Variants in KLK13 observed in about 807,000 individuals in gnomAD.
The protein encoded by KLK13 is kallikrein related peptidase 13.
Under a neutral mutation model 22.4 loss-of-function variants are expected in KLK13, and 19 were observed. The ratio of observed to expected loss-of-function variants is 0.85; its 90% CI spans 0.59 to 1.24. The LOEUF is 1.24. Ranked by LOEUF, KLK13 falls within the 50% of genes most tolerant of loss-of-function variation. The pLI is 0.00. For missense variants in KLK13, 311 were observed against 347.9 expected (o/e 0.89, Z 0.84); for synonymous variants, 156 against 141.8 (o/e 1.10, Z -0.71).
chr19:51,060,229 A>G (rs1175519304), intron 2 of KLK13, 136 bp from the exon 3 acceptor site: 1 of 1,145,758 alleles, frequency 8.7e-7, no homozygotes, highest in East Asian at 2.6e-5. Flanking sequence ...CATCTCCCCC[A>G]TCCTCAACTT....
intron 1 of KLK13, 130 bp from the exon 2 acceptor site, chr19:51,060,749 C>A: frequency 1.5e-6 from 1 of 677,402 alleles, no homozygotes. Flanking sequence ...GATGAATTTG[C>A]CGACCTATGG....
chr19:51,060,165 CT>C, intron 2 of KLK13, 72 bp from the exon 3 acceptor site: 3 of 1,560,232 alleles, frequency 1.9e-6, no homozygotes, highest in Non-Finnish European at 2.6e-6. Flanking sequence ...GCCCCAACCT[CT>C]TCCCATCCCC....
intron 1 of KLK13, among the ~76,000 whole-genome samples, chr19:51,062,785 C>G (rs1203365769): frequency 6.6e-6 from 1 of 152,166 alleles, no homozygotes; most frequent in Non-Finnish European, 1.5e-5. Flanking sequence ...AACCGTGCAG[C>G]ACAGCAGGTG....
At position 51,060,500 on chromosome 19, in the gene KLK13, G is replaced by C. The variant is rs200725984; in HGVS notation, c.172C>G (p.Arg58Gly). Residue 58 changes from arginine to glycine, a missense_variant, in exon 2 of 5, where the codon CGG becomes GGG. Arg to Gly is a moderately radical substitution (Grantham distance 125, BLOSUM62 -2). Coordinates refer to ENST00000595793, the MANE Select transcript of KLK13 (RefSeq NM_015596.3). The stretch of plus-strand genomic sequence containing the variant: ...ACCAGGACTCCCCCACAGAGTAGCC[G>C]CCCTTGCACTAGTAGGGCAGCCTGC... ...PWQAALLVQG[R>G]LLCGGVLVHP... 6 of 1,613,860 alleles carry C rather than the reference G, an allele frequency of 3.7e-6. No homozygotes were observed. Among genetic ancestry groups the C allele is most frequent in the Admixed American group, 1.7e-5 (1 of 59,998 alleles).
chr19:51,063,409 T>C (rs2091747627), intron 1 of KLK13, among the ~76,000 whole-genome samples: 1 of 152,184 alleles, frequency 6.6e-6, no homozygotes, highest in Admixed American at 6.5e-5. Flanking sequence ...AAGCAAATGA[T>C]TAGGTCAAAA....
At position 51,057,725 on chromosome 19, in the gene KLK13, CCT is replaced by C. The variant is rs549628837; in HGVS notation, c.645+811_645+812del. 2.2e-3 allele frequency among the ~76,000 whole-genome samples: 335 copies of C among 152,318 alleles called. 1 individual carries two copies. The highest frequency in any genetic ancestry group is 3.8e-3 in the Non-Finnish European group (257 of 68,026). On this transcript the variant is annotated intron_variant, in intron 4 of 4. Coordinates refer to ENST00000595793, the MANE Select transcript of KLK13 (RefSeq NM_015596.3). ...CTCCTGGGCTCAAGTAATCCTCTCA[CCT>C]CAGCCTCCCAAAGTGCTGGGATTAC...
chr19:51,063,530 G>A (rs1215110340), intron 1 of KLK13: 1 of 388,926 alleles, frequency 2.6e-6, no homozygotes, highest in African/African-American at 2.1e-5. Flanking sequence ...GGAGCCTTCT[G>A]TCTTTGAGTC....
rs764658427 is a variant in KLK13 at position 51,059,829 on chromosome 19, G to T, written c.504C>A (p.Pro168=). 5.0e-6 allele frequency: 8 copies of T among 1,600,226 alleles called. No homozygotes were observed. The highest frequency in any genetic ancestry group is 1.7e-4 in the Middle Eastern group (1 of 5,900). The change falls in exon 3 of 5, where the codon CCC becomes CCA. Residue 168 remains proline, a synonymous_variant. Coordinates refer to ENST00000595793, the MANE Select transcript of KLK13 (RefSeq NM_015596.3). Reference sequence around the variant, plus strand: ...GCCACCTGTGTGGGTGCATACCCTGGGGGCTGGTGGTGGTGCCCCAGCCAG... The same window carrying T: ...GCCACCTGTGTGGGTGCATACCCTGTGGGCTGGTGGTGGTGCCCCAGCCAG... The part of the protein sequence containing the change: ...RVSGWGTTTS[P]QVNYPKTLQC...
At chr19:51,059,222 CTAAG>C (rs1224060465) in intron 3 of KLK13, among the ~76,000 whole-genome samples, 1 of 150,922 alleles carries the variant, frequency 6.6e-6, no homozygotes, top group Non-Finnish European at 1.5e-5. Flanking sequence ...ATTATACTTA[CTAAG>C]TAATGATATA....
chr19:51,059,967 G>T lies in KLK13; in HGVS notation c.366C>A (p.Asp122Glu). The T allele has an allele frequency of 6.2e-7, 1 of 1,613,446 alleles. No homozygotes were observed. The highest frequency in any genetic ancestry group is 8.5e-7 in the Non-Finnish European group (1 of 1,179,576). Residue 122 changes from aspartate (D) to glutamate (E), a missense_variant, in exon 3 of 5, where the codon GAC (aspartate) becomes GAA (glutamate). Coordinates refer to ENST00000595793, the MANE Select transcript of KLK13 (RefSeq NM_015596.3). ...GCAGCTCCAGAAGCATGATGTCATG[G>T]TCGTGGTTCAGGTGGGTGGGGCTTC... Reference protein sequence around the residue: ...YRRSPTHLNHDHDIMLLELQS... With the variant: ...YRRSPTHLNHEHDIMLLELQS...
At chr19:51,064,938 GCCCCCT>G in intron 1 of KLK13, 72 bp downstream of exon 1, 1 of 1,133,810 alleles carries the variant, frequency 8.8e-7, no homozygotes, top group Non-Finnish European at 1.2e-6. Flanking sequence ...CGGCTCCCAC[GCCCCCT>G]CCCCCTCCGG....
chr19:51,060,131 G>T (rs780110988), intron 2 of KLK13, 38 bp from the exon 3 acceptor site: 1 of 1,608,642 alleles, frequency 6.2e-7, no homozygotes, highest in Non-Finnish European at 8.5e-7. Flanking sequence ...GAAAGAAGAT[G>T]AGCCCATTTC....
chr19:51,057,836 T>C (rs769508000), intron 4 of KLK13, among the ~76,000 whole-genome samples: 5 of 152,142 alleles, frequency 3.3e-5, no homozygotes, highest in Non-Finnish European at 7.3e-5. Flanking sequence ...ACTGCCCTTC[T>C]CCACTTCCAA....
rs112504342 is a variant in KLK13 at position 51,058,139 on chromosome 19, A to C, written c.645+399T>G. On this transcript the variant is annotated intron_variant, in intron 4 of 4. Coordinates refer to ENST00000595793, the MANE Select transcript of KLK13 (RefSeq NM_015596.3). The stretch of plus-strand genomic sequence containing the variant: ...GCCAAAACAGAATAAAGAAGAGCTG[A>C]GAGTTAAAAGAAAGACAGAATTCCA... Among the ~76,000 whole-genome samples the C allele has an allele frequency of 3.5e-3, 533 of 152,350 alleles. 3 individuals are homozygous for C. Among genetic ancestry groups the C allele is most frequent in the Non-Finnish European group, 6.3e-3 (429 of 68,038 alleles).
At chr19:51,065,225 GC>G (rs1568593324), upstream of KLK13, 2 of 526,946 alleles carry the variant, frequency 3.8e-6, no homozygotes, top group East Asian at 3.4e-5. Context: ...CCTGGAATCT[GC>G]CCCCCGCCTC....
Position 51,055,671 on chromosome 19 carries a change from A to T in KLK13, c.*916T>A, listed in dbSNP as rs950816820. ...TTATTCTTGTAATAATGTTACAATTAAAAAAAATTATGAACCCATTTTACA... is the reference window on the plus strand; with the variant it reads ...TTATTCTTGTAATAATGTTACAATTTAAAAAAATTATGAACCCATTTTACA... On this transcript the variant is annotated 3_prime_UTR_variant, in exon 5 of 5. Coordinates refer to ENST00000595793, the MANE Select transcript of KLK13 (RefSeq NM_015596.3). 4.0e-5 allele frequency among the ~76,000 whole-genome samples: 6 copies of T among 150,452 alleles called. No individual in the cohort carries two copies. Among genetic ancestry groups the T allele is most frequent in the African/African-American group, 1.2e-4 (5 of 41,186 alleles).
intron 1 of KLK13, 129 bp from the exon 2 acceptor site, chr19:51,060,748 G>A (rs1016071234): frequency 3.5e-5 from 24 of 680,186 alleles, no homozygotes; most frequent in Non-Finnish European, 5.4e-5. Context: ...AGATGAATTT[G>A]CCGACCTATG....
intron 1 of KLK13, among the ~76,000 whole-genome samples, chr19:51,063,056 G>A (rs1223767228): frequency 6.6e-6 from 1 of 152,138 alleles, no homozygotes; most frequent in East Asian, 1.9e-4. Context: ...TTTTGTCAAG[G>A]ATAAAGTCTC....
chr19:51,061,489 C>G (rs1440042449), intron 1 of KLK13, among the ~76,000 whole-genome samples: 1 of 152,248 alleles, frequency 6.6e-6, no homozygotes, highest in Non-Finnish European at 1.5e-5. Context: ...ACTGTTCGCT[C>G]CAGTATTTCC....
Sources: gnomAD v4.1 joint callset for allele counts (sites outside exome capture counted in the v4.1 genomes callset) on GRCh38, gnomAD v4.1.1 for gene constraint, MANE v1.5 for transcripts, NCBI Gene and HGNC (gene_info 2026-07-23, HGNC 2026-07-21) for gene names.